Variants in RPTOR observed in about 807,000 individuals in gnomAD.
The protein encoded by RPTOR is regulatory associated protein of MTOR complex 1, also known as regulatory-associated protein of mTOR.
A neutral mutation model predicts 169.9 loss-of-function variants in RPTOR; 21 were observed. That is an observed-to-expected ratio of 0.12 (90% CI 0.09 to 0.18). RPTOR has a LOEUF of 0.18. RPTOR is among the 10% of genes least tolerant of loss of function. The pLI is 1.00. For missense variants in RPTOR, 1,133 were observed against 1,855.9 expected (o/e 0.61, Z 7.16); for synonymous variants, 732 against 753.2 (o/e 0.97, Z 0.46).
chr17:80,854,997 G>A (rs1238824033), intron 11 of RPTOR, among the ~76,000 whole-genome samples: 1 of 152,200 alleles, frequency 6.6e-6, no homozygotes, highest in Non-Finnish European at 1.5e-5. Context: ...TTTGCATAAC[G>A]GAAGTACTGT....
chr17:80,781,393 G>A (rs1228430089), intron 6 of RPTOR, among the ~76,000 whole-genome samples: 4 of 152,276 alleles, frequency 2.6e-5, no homozygotes, highest in South Asian at 2.1e-4. Flanking sequence ...CCCCGTGGCC[G>A]CCCTGCGGTT....
intron 3 of RPTOR, among the ~76,000 whole-genome samples, chr17:80,700,502 A>T (rs1175978930): frequency 9.9e-6 from 1 of 100,906 alleles, no homozygotes; most frequent in African/African-American, 3.8e-5. Context: ...GATGGTAGAG[A>T]TGATGGTGAT....
chr17:80,905,321 G>A lies in RPTOR; in HGVS notation c.2402-3490G>A, dbSNP rs55687213. Among the ~76,000 whole-genome samples the A allele has an allele frequency of 2.8e-3, 421 of 152,004 alleles. 3 individuals carry two copies. The highest frequency in any genetic ancestry group is 9.7e-3 in the African/African-American group (403 of 41,460). On this transcript the variant is annotated intron_variant, in intron 20 of 33. Coordinates refer to ENST00000306801, the MANE Select transcript of RPTOR (RefSeq NM_020761.3). ...GATGAAAGTGGCCAGGCGCAGTGGC[G>A]CATGCCGGTAATCCCAGCACTTTGG... is the stretch of plus-strand genomic sequence containing the variant.
In RPTOR at chr17:80,823,955, G is replaced by A. The variant is rs566408681; in HGVS notation, c.1136+732G>A. 4.3e-4 allele frequency among the ~76,000 whole-genome samples: 66 copies of A among 152,314 alleles called. No homozygotes were observed. The highest frequency in any genetic ancestry group is 1.6e-3 in the African/African-American group (65 of 41,562). ...TAACAACACAAATATTTTTAAAAGA[G>A]CGATTAACGTATGCCTAGCCGCAGA... On this transcript the variant is annotated intron_variant, in intron 9 of 33. Coordinates refer to ENST00000306801, the MANE Select transcript of RPTOR (RefSeq NM_020761.3). This position sits in a 1 kb window ranked among gnomAD's most constrained non-coding sequence, Gnocchi z 4.5.
At chr17:80,885,309 C>T (rs990868021) in intron 17 of RPTOR, among the ~76,000 whole-genome samples, 161 bp downstream of exon 17, 2 of 152,240 alleles carry the variant, frequency 1.3e-5, no homozygotes, top group African/African-American at 2.4e-5. Context: ...CTTCAAGTTG[C>T]GTTTCTTTAC....
intron 9 of RPTOR, among the ~76,000 whole-genome samples, chr17:80,828,945 T>G (rs1555623935): frequency 6.6e-6 from 1 of 152,264 alleles, no homozygotes; most frequent in Non-Finnish European, 1.5e-5. Flanking sequence ...ATCAGCAATA[T>G]AGTTAATATC....
At chr17:80,875,784 G>A (rs1430099452) in intron 13 of RPTOR, among the ~76,000 whole-genome samples, 17 of 137,166 alleles carry the variant, frequency 1.2e-4, no homozygotes, top group African/African-American at 2.8e-4. Flanking sequence ...CCTGTGCCAC[G>A]CAGGGTGTGT....
chr17:80,909,022 C>T (rs1321897667), intron 21 of RPTOR, 93 bp downstream of exon 21: 1 of 857,160 alleles, frequency 1.2e-6, no homozygotes, highest in African/African-American at 1.7e-5. Flanking sequence ...GGGTCCACAC[C>T]ACAGTTTAGA....
chr17:80,697,182 C>G (rs2066044198), intron 3 of RPTOR, among the ~76,000 whole-genome samples: 1 of 152,178 alleles, frequency 6.6e-6, no homozygotes, highest in African/African-American at 2.4e-5. Context: ...GGGGGCGGTC[C>G]CCCCACCCGA....
intron 5 of RPTOR, among the ~76,000 whole-genome samples, chr17:80,734,915 G>T (rs1011063381): frequency 6.6e-6 from 1 of 152,190 alleles, no homozygotes; most frequent in Non-Finnish European, 1.5e-5. Flanking sequence ...GGTAGTAGAT[G>T]TTATAAGTAG....
At chr17:80,911,752 T>G (rs1457342944) in intron 21 of RPTOR, among the ~76,000 whole-genome samples, 3 of 152,212 alleles carry the variant, frequency 2.0e-5, no homozygotes, top group African/African-American at 7.2e-5. Context: ...GCCACTGCAC[T>G]TCATCCTGGG....
chr17:80,572,835 T>C (rs1463207526), intron 1 of RPTOR, among the ~76,000 whole-genome samples: 1 of 152,238 alleles, frequency 6.6e-6, no homozygotes, highest in Non-Finnish European at 1.5e-5. Flanking sequence ...GGTCTGATAA[T>C]CAGTCTGTTC....
At chr17:80,618,931 A>T (rs1436984961) in intron 1 of RPTOR, among the ~76,000 whole-genome samples, 1 of 152,090 alleles carries the variant, frequency 6.6e-6, no homozygotes, top group Non-Finnish European at 1.5e-5. Context: ...GATGGAAGTG[A>T]GGGGCAAACT....
In RPTOR at chr17:80,719,314, A is replaced by G. The variant is rs573947405; in HGVS notation, c.508-11246A>G. Among the ~76,000 whole-genome samples the G allele has an allele frequency of 4.2e-4, 64 of 152,284 alleles. 1 individual carries two copies. In the South Asian group the frequency reaches 0.012, roughly 28 times the overall value. ...GGGAACAGAGATGGAATTGATATCC[A>G]TTATTCCAAGGAGTCTGGCCCTTTA... On this transcript the variant is annotated intron_variant, in intron 4 of 33. Coordinates refer to ENST00000306801, the MANE Select transcript of RPTOR (RefSeq NM_020761.3).
chr17:80,814,983 G>T (rs1434688375), intron 7 of RPTOR, among the ~76,000 whole-genome samples: 1 of 152,234 alleles, frequency 6.6e-6, no homozygotes, highest in Non-Finnish European at 1.5e-5. Flanking sequence ...CAGGAGGGTG[G>T]TCTGAGCAGA....
intron 6 of RPTOR, among the ~76,000 whole-genome samples, chr17:80,777,235 C>CAA (rs796854498): frequency 7.4e-5 from 9 of 122,190 alleles, no homozygotes; most frequent in African/African-American, 2.8e-4. Context: ...AAGACCCTCT[C>CAA]AAAAAAAAAA....
At chr17:80,761,196 C>T (rs1204758414) in intron 6 of RPTOR, among the ~76,000 whole-genome samples, 2 of 152,102 alleles carry the variant, frequency 1.3e-5, no homozygotes, top group African/African-American at 2.4e-5. Flanking sequence ...ATTTATTACG[C>T]GTCTATTTGT....
intron 2 of RPTOR, among the ~76,000 whole-genome samples, chr17:80,637,654 A>G (rs2143579356): frequency 6.6e-6 from 1 of 152,368 alleles, no homozygotes; most frequent in East Asian, 1.9e-4. Flanking sequence ...GATGAGCTGC[A>G]TGCTGAGCAG....
chr17:80,869,772 G>A lies in RPTOR; in HGVS notation c.1510-10643G>A, dbSNP rs903458678. Among the ~76,000 whole-genome samples, 8 of 152,202 alleles carry A rather than the reference G, an allele frequency of 5.3e-5. No homozygotes were observed. In the South Asian group the frequency reaches 6.2e-4, roughly 12 times the overall value. The stretch of plus-strand genomic sequence containing the variant: ...TTCCTTAGGAATATTTCTGGGCAAA[G>A]CGTCATGCTATCTGCAACTTTCACA... On this transcript the variant is annotated intron_variant, in intron 13 of 33. Coordinates refer to ENST00000306801, the MANE Select transcript of RPTOR (RefSeq NM_020761.3).
Sources: allele counts gnomAD v4.1 joint callset (sites outside exome capture counted in the v4.1 genomes callset), GRCh38; gene constraint gnomAD v4.1.1; non-coding constraint Gnocchi (gnomAD v3.1); transcripts MANE v1.5; gene names NCBI Gene and HGNC (gene_info 2026-07-23, HGNC 2026-07-21).